RGS3: variants seen among roughly 807,000 people sequenced by gnomAD.
RGS3 encodes regulator of G-protein signalling 3.
Under a neutral mutation model 132.6 loss-of-function variants are expected in RGS3, and 80 were observed. That is an observed-to-expected ratio of 0.60 (90% confidence interval 0.50 to 0.73). RGS3 has a LOEUF of 0.73. Among genes scored for constraint, RGS3 ranks in the 30% least tolerant of loss-of-function variants. RGS3 has a pLI of 0.00. For synonymous variants in RGS3, 598 were observed against 620.6 expected (o/e 0.96, Z 0.54); for missense variants, 1,382 against 1,530.8 (o/e 0.90, Z 1.62).
intron 14 of RGS3, among the ~76,000 whole-genome samples, chr9:113,512,817 C>G (rs1831465717): frequency 6.6e-6 from 1 of 152,170 alleles, no homozygotes. Flanking sequence ...TTTGGAGTTT[C>G]CCTCCCACCT....
intron 14 of RGS3, among the ~76,000 whole-genome samples, chr9:113,510,996 G>C (rs892185284): frequency 4.6e-5 from 7 of 152,162 alleles, no homozygotes; most frequent in African/African-American, 1.7e-4. Context: ...CCTCTGGCTG[G>C]GCTGCCAAGA....
chr9:113,577,895 T>G (rs1834604971), intron 19 of RGS3, among the ~76,000 whole-genome samples: 1 of 152,230 alleles, frequency 6.6e-6, no homozygotes, highest in African/African-American at 2.4e-5. Flanking sequence ...CCCTCCTTCC[T>G]CTCTAGTTCG....
chr9:113,569,801 G>T (rs924726661), intron 19 of RGS3, among the ~76,000 whole-genome samples: 1 of 152,162 alleles, frequency 6.6e-6, no homozygotes, highest in Non-Finnish European at 1.5e-5. Flanking sequence ...GGGGTGGGGA[G>T]GGGGGTGCTG....
intron 19 of RGS3, among the ~76,000 whole-genome samples, chr9:113,561,436 G>A (rs1277488959): frequency 6.6e-6 from 1 of 150,432 alleles, no homozygotes; most frequent in East Asian, 1.9e-4. Flanking sequence ...CTTTCACGGG[G>A]TCTTGCTCTG....
chr9:113,490,275 A>C (rs1400125272), intron 7 of RGS3, among the ~76,000 whole-genome samples: 1 of 152,156 alleles, frequency 6.6e-6, no homozygotes, highest in Non-Finnish European at 1.5e-5. Flanking sequence ...GCGGAGTTTC[A>C]TCAATTATCA....
intron 7 of RGS3, among the ~76,000 whole-genome samples, chr9:113,494,364 C>G (rs113523202): frequency 0.039 from 5,994 of 152,256 alleles, 163 homozygotes; most frequent in South Asian, 0.1. Flanking sequence ...ACTCACATTA[C>G]TCATTAAATT....
At chr9:113,501,642 G>A in intron 10 of RGS3, 2 of 1,559,474 alleles carry the variant, frequency 1.3e-6, no homozygotes, top group South Asian at 2.3e-5. Flanking sequence ...TGGGTGCTTG[G>A]CCTCTTGTGG....
chr9:113,498,028 C>G, exon 10 of RGS3: 1 of 1,614,010 alleles, frequency 6.2e-7, no homozygotes, highest in Non-Finnish European at 8.5e-7. Context: ...CTTCCAGACC[C>G]GCTGCTGAGA....
intron 19 of RGS3, among the ~76,000 whole-genome samples, chr9:113,576,227 A>T (rs1200008538): frequency 6.6e-6 from 1 of 152,016 alleles, no homozygotes; most frequent in East Asian, 1.9e-4. Context: ...AAACAAAAAA[A>T]TGAGTGTGTA....
intron 19 of RGS3, among the ~76,000 whole-genome samples, chr9:113,566,990 C>T (rs941092118): frequency 1.9e-4 from 29 of 152,236 alleles, no homozygotes; most frequent in Admixed American, 1.3e-3. Flanking sequence ...TTCAGGGAGC[C>T]GAGTTCCACA....
chr9:113,534,836 G>A (rs1832615376), intron 18 of RGS3, among the ~76,000 whole-genome samples: 1 of 151,980 alleles, frequency 6.6e-6, no homozygotes. Context: ...AGGCTTGTCT[G>A]GAACTCCTGG....
intron 3 of RGS3, among the ~76,000 whole-genome samples, chr9:113,472,660 T>C (rs1829870240): frequency 6.6e-6 from 1 of 152,200 alleles, no homozygotes; most frequent in Admixed American, 6.5e-5. Flanking sequence ...ATGGGATTTC[T>C]TTTAGGGGAG....
At chr9:113,577,812 G>A (rs1042858133) in intron 19 of RGS3, among the ~76,000 whole-genome samples, 1 of 152,190 alleles carries the variant, frequency 6.6e-6, no homozygotes, top group Non-Finnish European at 1.5e-5. Flanking sequence ...CAGCACCCGA[G>A]GGTTTTCCTT....
chr9:113,485,016 T>C (rs1262208703), intron 6 of RGS3, among the ~76,000 whole-genome samples: 7 of 152,136 alleles, frequency 4.6e-5, no homozygotes, highest in Non-Finnish European at 8.8e-5. Flanking sequence ...GACCTTTTAA[T>C]GTGTATGTTT....
At chr9:113,528,892 A>C (rs1832337968) in intron 17 of RGS3, among the ~76,000 whole-genome samples, 1 of 152,202 alleles carries the variant, frequency 6.6e-6, no homozygotes, top group Non-Finnish European at 1.5e-5. Flanking sequence ...GAAATCATGG[A>C]AGGGAGGAGG....
chr9:113,563,479 A>C (rs1588255686), intron 19 of RGS3, among the ~76,000 whole-genome samples: 1 of 152,144 alleles, frequency 6.6e-6, no homozygotes, highest in South Asian at 2.1e-4. Flanking sequence ...TATCCCACAC[A>C]CCAGAAATTC....
intron 3 of RGS3, among the ~76,000 whole-genome samples, chr9:113,470,505 G>T (rs1829794581): frequency 6.6e-6 from 1 of 152,172 alleles, no homozygotes; most frequent in Non-Finnish European, 1.5e-5. Flanking sequence ...TTATTGTTAT[G>T]AAGTCTTCTT....
At chr9:113,567,379 C>T (rs1344973894) in intron 19 of RGS3, among the ~76,000 whole-genome samples, 1 of 152,192 alleles carries the variant, frequency 6.6e-6, no homozygotes, top group Non-Finnish European at 1.5e-5. Context: ...CTTATTCATT[C>T]CTTAGTCGCA....
intron 19 of RGS3, among the ~76,000 whole-genome samples, chr9:113,574,338 C>T (rs1834416767): frequency 1.3e-5 from 2 of 152,312 alleles, no homozygotes; most frequent in Admixed American, 6.5e-5. Context: ...CCCATCTTTT[C>T]CCCCCTATTA....
Sources: allele counts gnomAD v4.1 joint callset (sites outside exome capture counted in the v4.1 genomes callset), GRCh38; gene constraint gnomAD v4.1.1; transcripts MANE v1.5; gene names NCBI Gene and HGNC (gene_info 2026-07-23, HGNC 2026-07-21).